The following FMR1NB variants were observed in gnomAD, a reference collection of about 807,000 sequenced individuals.
The protein encoded by FMR1NB is FMR1 neighbor protein.
Under a neutral mutation model 16.8 loss-of-function variants are expected in FMR1NB, and 10 were observed. That is an observed-to-expected ratio of 0.60 (90% CI 0.37 to 1.01). FMR1NB has a LOEUF of 1.01. FMR1NB is among the 50% of genes least tolerant of loss of function. The pLI is 0.01. For missense variants in FMR1NB, 205 were observed against 204.8 expected, an observed-to-expected ratio of 1.00 and a Z score of 0.00; for synonymous variants, 83 against 79.1, an observed-to-expected ratio of 1.05 and a Z score of -0.26.
chrX:147,995,073 C>T (rs112178075), intron 1 of FMR1NB, among the ~76,000 whole-genome samples: 10,128 of 111,336 alleles, frequency 0.091, 414 homozygotes, highest in African/African-American at 0.14. Flanking sequence ...CAGAGACAGA[C>T]ACCCATACAG....
rs782390725 is a variant in FMR1NB, at chrX:148,011,685, G to A, written c.632+2974G>A. Among the ~76,000 whole-genome samples the A allele has an allele frequency of 2.0e-4, 22 of 111,487 alleles. 1 individual carries two copies. The highest frequency in any genetic ancestry group is 1.4e-3 in the Admixed American group (15 of 10,524). ...TGCCGTTTCAGGTCGATTTTGAAGG[G>A]GGACAGATTTGGAGTAGATAGAGAG... On this transcript the variant is annotated intron_variant, in intron 4 of 5. Transcript: ENST00000370467.
chrX:147,981,385 G>T lies in FMR1NB; in HGVS notation c.-18G>T. 1 of 1,200,777 alleles carries T rather than the reference G, an allele frequency of 8.3e-7. No homozygotes were observed. The highest frequency in any genetic ancestry group is 2.4e-4 in the Middle Eastern group (1 of 4,129). ...TTGGGCTGTGAGGCAGCGTCTCAGC[G>T]AGGCGGCACCCGGAGCCATGTCTTC... On this transcript the variant is annotated 5_prime_UTR_variant, in exon 1 of 6. Transcript: ENST00000370467.
At chrX:148,007,161 C>T (rs2044601123) in intron 3 of FMR1NB, among the ~76,000 whole-genome samples, 1 of 112,465 alleles carries the variant, frequency 8.9e-6, no homozygotes, top group Admixed American at 9.4e-5. Flanking sequence ...GTTGGGCATG[C>T]CTTAGCTTAC....
intron 4 of FMR1NB, among the ~76,000 whole-genome samples, chrX:148,016,955 T>C (rs1557190179): frequency 1.8e-5 from 2 of 111,588 alleles, no homozygotes; most frequent in Admixed American, 1.9e-4. Flanking sequence ...CAGTGAGTTT[T>C]GTACCTTCAG....
intron 4 of FMR1NB, among the ~76,000 whole-genome samples, chrX:148,013,976 T>A (rs782278761): frequency 9.0e-6 from 1 of 111,474 alleles, no homozygotes; most frequent in South Asian, 3.8e-4. Context: ...GTTTTGTTCT[T>A]CTTTGGAATG....
chrX:148,007,584 C>T (rs782006221), intron 3 of FMR1NB, among the ~76,000 whole-genome samples: 1 of 112,035 alleles, frequency 8.9e-6, no homozygotes, highest in Non-Finnish European at 1.9e-5. Flanking sequence ...AGCCACCACA[C>T]CGAGTCTTGT....
intron 1 of FMR1NB, among the ~76,000 whole-genome samples, chrX:147,986,618 T>A (rs868965376): frequency 8.9e-6 from 1 of 111,771 alleles, no homozygotes; most frequent in South Asian, 3.7e-4. Context: ...TTGTCAATGA[T>A]CAGATGGTTG....
chrX:148,023,549 C>T (rs2044689629), intron 4 of FMR1NB, among the ~76,000 whole-genome samples: 1 of 111,790 alleles, frequency 8.9e-6, no homozygotes, highest in Non-Finnish European at 1.9e-5. Flanking sequence ...GTAGCACTTA[C>T]AAGGTCCTGG....
chrX:148,013,901 T>G (rs1323775327), intron 4 of FMR1NB, among the ~76,000 whole-genome samples: 2 of 111,922 alleles, frequency 1.8e-5, no homozygotes, highest in Non-Finnish European at 3.8e-5. Flanking sequence ...TGGTGACTAT[T>G]TCTTCTCATT....
chrX:147,997,447 A>T (rs1246039327), intron 1 of FMR1NB, among the ~76,000 whole-genome samples: 1 of 112,357 alleles, frequency 8.9e-6, no homozygotes, highest in African/African-American at 3.2e-5. Flanking sequence ...TACCTTATAC[A>T]AAAACTAACT....
At chrX:147,993,789 A>G (rs1348755099) in intron 1 of FMR1NB, among the ~76,000 whole-genome samples, 1 of 108,855 alleles carries the variant, frequency 9.2e-6, no homozygotes, top group Admixed American at 9.8e-5. Context: ...TCTTCTCCCC[A>G]CTCAGGTTTT....
chrX:148,012,018 G>A (rs1402177098), intron 4 of FMR1NB, among the ~76,000 whole-genome samples: 1 of 111,624 alleles, frequency 9.0e-6, no homozygotes, highest in African/African-American at 3.3e-5. Flanking sequence ...AATTTATTGT[G>A]TCCTTAAGGT....
chrX:147,993,279 G>T lies in FMR1NB; in HGVS notation c.278-9922G>T, dbSNP rs1012189351. Among the ~76,000 whole-genome samples, 5 of 112,243 alleles carry T rather than the reference G, an allele frequency of 4.5e-5. No individual in the cohort carries two copies. In the Admixed American group the frequency reaches 4.6e-4, roughly 10 times the overall value. ...AAACCAGTCAGGCGTGGCGGCGCGTGCCTGCAATCGCAGGCATTCGGCAGA... is the reference window on the plus strand; with the variant it reads ...AAACCAGTCAGGCGTGGCGGCGCGTTCCTGCAATCGCAGGCATTCGGCAGA... On this transcript the variant is annotated intron_variant, in intron 1 of 5. Transcript: ENST00000370467.
At chrX:148,015,660 T>G (rs1051369109) in intron 4 of FMR1NB, among the ~76,000 whole-genome samples, 11 of 112,527 alleles carry the variant, frequency 9.8e-5, no homozygotes, top group Non-Finnish European at 1.9e-4. Context: ...TCTAGTTTTA[T>G]TCCATTTTGG....
intron 1 of FMR1NB, among the ~76,000 whole-genome samples, chrX:148,000,383 G>A (rs1056397904): frequency 9.0e-6 from 1 of 111,454 alleles, no homozygotes; most frequent in African/African-American, 3.3e-5. Context: ...AAAGCAACAG[G>A]AAGCTTCCTA....
At chrX:148,014,321 G>A (rs2044639221) in intron 4 of FMR1NB, among the ~76,000 whole-genome samples, 1 of 111,484 alleles carries the variant, frequency 9.0e-6, no homozygotes, top group Admixed American at 9.5e-5. Flanking sequence ...AAACCAGTTT[G>A]GACATATACC....
At position 148,006,810 on chromosome X, in the gene FMR1NB, C is replaced by T. The variant is rs376382924; in HGVS notation, c.506C>T (p.Thr169Met). ...HKCCFSSSGT[T>M]SFKCFAPFRD... ...TGCTGTTTTTCATCATCGGGGACCACGAGCTTCAAATGTTTTGCTCCATTT... is the reference window on the plus strand; with the variant it reads ...TGCTGTTTTTCATCATCGGGGACCATGAGCTTCAAATGTTTTGCTCCATTT... The change falls in exon 3 of 6, where the codon ACG becomes ATG. Residue 169 changes from threonine to methionine, a missense_variant. Thr to Met is a moderately conservative substitution (Grantham distance 81). Transcript: ENST00000370467. The T allele has an allele frequency of 1.4e-5, 17 of 1,208,516 alleles. No individual in the cohort carries two copies. Among genetic ancestry groups the T allele is most frequent in the African/African-American group, 5.2e-5 (3 of 57,265 alleles).
At chrX:148,021,189 T>C (rs2044676052) in intron 4 of FMR1NB, among the ~76,000 whole-genome samples, 1 of 111,477 alleles carries the variant, frequency 9.0e-6, no homozygotes, top group Non-Finnish European at 1.9e-5. Context: ...CTGAGTTCAA[T>C]GTAATGTCTC....
intron 4 of FMR1NB, among the ~76,000 whole-genome samples, chrX:148,011,220 C>A (rs1557189587): frequency 9.1e-6 from 1 of 109,936 alleles, no homozygotes; most frequent in Admixed American, 9.8e-5. Context: ...GCCGAGATCG[C>A]GTCACTGCAC....
Sources: gnomAD v4.1 joint callset for allele counts (sites outside exome capture counted in the v4.1 genomes callset) on GRCh38, gnomAD v4.1.1 for gene constraint, MANE v1.5 for transcripts, NCBI Gene and HGNC (gene_info 2026-07-23, HGNC 2026-07-21) for gene names.